The following PSMA1 variants were observed in gnomAD, a reference collection of about 807,000 sequenced individuals.
PSMA1 encodes proteasome 20S subunit alpha 1.
In PSMA1, 3 loss-of-function variants were observed where a neutral mutation model predicts 38.4. The observed-to-expected ratio is 0.08, with a 90% CI of 0.04 to 0.20. PSMA1 has a LOEUF of 0.20. Ranked by LOEUF, PSMA1 falls within the 10% of genes least tolerant of loss-of-function variation. The pLI is 1.00. For synonymous variants in PSMA1, 101 were observed against 107.1 expected, an observed-to-expected ratio of 0.94 and a Z score of 0.35; for missense variants, 227 against 325.3, an observed-to-expected ratio of 0.70 and a Z score of 2.32.
chr11:14,518,399 G>A (rs1024451027), intron 2 of PSMA1, among the ~76,000 whole-genome samples: 4 of 152,094 alleles, frequency 2.6e-5, no homozygotes, highest in African/African-American at 9.7e-5. Context: ...GCACCCGGCT[G>A]AAAGCTTCTT....
chr11:14,514,615 C>G (rs1299403695), intron 4 of PSMA1, 124 bp from the exon 5 acceptor site: 22 of 753,002 alleles, frequency 2.9e-5, no homozygotes, highest in Non-Finnish European at 3.9e-5. Flanking sequence ...ATAAGAAAAA[C>G]AGAAGGTAAG....
At chr11:14,621,822 T>C (rs367591641) in intron 1 of PSMA1, among the ~76,000 whole-genome samples, 30 of 152,334 alleles carry the variant, frequency 2.0e-4, no homozygotes, top group African/African-American at 6.7e-4. Flanking sequence ...GTTAGCTTAA[T>C]GTCAATCTCT....
intron 1 of PSMA1, among the ~76,000 whole-genome samples, chr11:14,632,306 G>A (rs1010115488): frequency 1.3e-5 from 2 of 149,194 alleles, no homozygotes; most frequent in Non-Finnish European, 3.0e-5. Context: ...GGCTGGTACC[G>A]GTTGTTCCTT....
chr11:14,534,103 C>A lies in PSMA1; in HGVS notation c.22-15062G>T, dbSNP rs1461284900. 6.6e-6 allele frequency among the ~76,000 whole-genome samples: 1 copy of A among 152,112 alleles called. No individual in the cohort carries two copies. Among genetic ancestry groups the A allele is most frequent in the Non-Finnish European group, 1.5e-5 (1 of 68,012 alleles). On this transcript the variant is annotated intron_variant, in intron 2 of 10. Coordinates refer to the PSMA1 transcript ENST00000418988. The surrounding 1 kb of genome is among the most constrained non-coding windows in gnomAD (Gnocchi z 4.5). ...AGCTGAGGCAGGAGAATCACTTGAACCCAGGAGGTGGAGGTTGCAGTGAGC... is the reference window on the plus strand; with the variant it reads ...AGCTGAGGCAGGAGAATCACTTGAAACCAGGAGGTGGAGGTTGCAGTGAGC...
chr11:14,616,853 A>C (rs1412538966), intron 1 of PSMA1, among the ~76,000 whole-genome samples: 1 of 152,198 alleles, frequency 6.6e-6, no homozygotes, highest in Non-Finnish European at 1.5e-5. Context: ...GTTTGGCTCC[A>C]GAGTCTATGC....
intron 1 of PSMA1, among the ~76,000 whole-genome samples, chr11:14,612,473 C>T (rs984651574): frequency 6.6e-6 from 1 of 151,606 alleles, no homozygotes; most frequent in Non-Finnish European, 1.5e-5. Flanking sequence ...AGGAAAGAGA[C>T]ATTTAATTAT....
intron 2 of PSMA1, among the ~76,000 whole-genome samples, chr11:14,576,189 A>G (rs1260645932): frequency 6.6e-6 from 1 of 152,234 alleles, no homozygotes; most frequent in African/African-American, 2.4e-5. Context: ...GCCCTTTGTC[A>G]GATGGGTAGA....
At chr11:14,576,459 A>G (rs1437508273) in intron 2 of PSMA1, among the ~76,000 whole-genome samples, 1 of 152,208 alleles carries the variant, frequency 6.6e-6, no homozygotes, top group Non-Finnish European at 1.5e-5. Flanking sequence ...TTTTTGTATA[A>G]GGTGTAAGTA....
At chr11:14,547,766 T>G (rs532733395) in intron 2 of PSMA1, among the ~76,000 whole-genome samples, 2 of 152,254 alleles carry the variant, frequency 1.3e-5, no homozygotes, top group East Asian at 3.9e-4. Context: ...ACTGGAGCTC[T>G]CCAGGGATCG....
At chr11:14,583,546 G>A (rs1565050458) in intron 2 of PSMA1, among the ~76,000 whole-genome samples, 1 of 152,178 alleles carries the variant, frequency 6.6e-6, no homozygotes, top group East Asian at 1.9e-4. Context: ...ACTCTTGGAA[G>A]GAGTGCAGCA....
At chr11:14,598,893 C>T (rs1402907146) in intron 2 of PSMA1, among the ~76,000 whole-genome samples, 4 of 151,978 alleles carry the variant, frequency 2.6e-5, no homozygotes, top group East Asian at 1.9e-4. Flanking sequence ...TTGTTCCTTT[C>T]CATGTTTAGT....
At chr11:14,521,491 C>CA (rs60366805), upstream of PSMA1, among the ~76,000 whole-genome samples, 46,876 of 132,362 alleles carry the variant, frequency 0.35, 8,454 homozygotes, top group South Asian at 0.47. Context: ...GATTCTGTTT[C>CA]AAAAAAAAAA....
intron 1 of PSMA1, among the ~76,000 whole-genome samples, chr11:14,639,569 A>G (rs1357058797): frequency 6.6e-6 from 1 of 152,252 alleles, no homozygotes; most frequent in Admixed American, 6.5e-5. Context: ...TTGCAGAGCT[A>G]GCCATGTAAA....
intron 1 of PSMA1, among the ~76,000 whole-genome samples, chr11:14,637,811 A>G (rs1163604712): frequency 6.6e-6 from 1 of 152,214 alleles, no homozygotes; most frequent in African/African-American, 2.4e-5. Flanking sequence ...AGAGCTATTT[A>G]CTTGATTGTA....
chr11:14,519,137 T>C, intron 1 of PSMA1, 96 bp from the exon 2 acceptor site: 1 of 1,012,116 alleles, frequency 9.9e-7, no homozygotes, highest in South Asian at 1.3e-5. Flanking sequence ...TTCCATTCAA[T>C]GTTAAGGCAC....
At chr11:14,632,219 C>T (rs1257807756) in intron 1 of PSMA1, among the ~76,000 whole-genome samples, 1 of 148,136 alleles carries the variant, frequency 6.8e-6, no homozygotes, top group Non-Finnish European at 1.5e-5. Flanking sequence ...ATTATGTTAG[C>T]TGGTTAATTT....
chr11:14,528,690 A>C (rs1851614216), intron 2 of PSMA1, among the ~76,000 whole-genome samples: 1 of 152,220 alleles, frequency 6.6e-6, no homozygotes. Context: ...GTATACATCC[A>C]GATGGCCTGA....
At chr11:14,522,361 T>TA (rs542215854), upstream of PSMA1, among the ~76,000 whole-genome samples, 6 of 152,306 alleles carry the variant, frequency 3.9e-5, no homozygotes, top group African/African-American at 1.4e-4. Flanking sequence ...ATTGTGTGCA[T>TA]AATTACCTTA....
At chr11:14,520,062 G>A in intron 1 of PSMA1, 1 of 623,612 alleles carries the variant, frequency 1.6e-6, no homozygotes, top group Non-Finnish European at 2.8e-6. Context: ...GACCGAGGAG[G>A]AAGTGTCGGA....
Sources: allele counts gnomAD v4.1 joint callset (sites outside exome capture counted in the v4.1 genomes callset), GRCh38; gene constraint gnomAD v4.1.1; non-coding constraint Gnocchi (gnomAD v3.1); transcripts MANE v1.5; gene names NCBI Gene and HGNC (gene_info 2026-07-23, HGNC 2026-07-21).